The following CFAP61 variants were observed in gnomAD, a reference collection of about 807,000 sequenced individuals.
The protein encoded by CFAP61 is cilia- and flagella-associated protein 61.
Under a neutral mutation model 135.6 loss-of-function variants are expected in CFAP61, and 107 were observed. The observed-to-expected ratio is 0.79, with a 90% confidence interval of 0.67 to 0.93. The LOEUF is 0.93. Ranked by LOEUF, CFAP61 falls within the 40% of genes least tolerant of loss-of-function variation. The probability of loss-of-function intolerance (pLI) is 0.00; values close to 1 mark genes in which losing one functional copy is unlikely to be tolerated. For synonymous variants in CFAP61, 575 were observed against 578.5 expected (o/e 0.99, Z 0.09); for missense variants, 1,507 against 1,556.2 (o/e 0.97, Z 0.53).
chr20:20,163,948 G>A, intron 10 of CFAP61, 102 bp from the exon 11 acceptor site: 1 of 915,292 alleles, frequency 1.1e-6, no homozygotes, highest in Non-Finnish European at 1.6e-6. Flanking sequence ...AGTCACACCT[G>A]TCCTCAGAAC....
chr20:20,101,567 G>A (rs745582322), intron 8 of CFAP61, among the ~76,000 whole-genome samples: 3 of 151,590 alleles, frequency 2.0e-5, no homozygotes, highest in Non-Finnish European at 2.9e-5. Context: ...CTCCAATGAC[G>A]GGTCTGCTAC....
chr20:20,212,991 G>A (rs1302646431), intron 17 of CFAP61, among the ~76,000 whole-genome samples: 2 of 152,104 alleles, frequency 1.3e-5, no homozygotes, highest in Non-Finnish European at 2.9e-5. Context: ...CCATCAGGAG[G>A]AGAGCCCGGG....
At chr20:20,349,354 C>T (rs186007653) in intron 26 of CFAP61, among the ~76,000 whole-genome samples, 1 of 152,124 alleles carries the variant, frequency 6.6e-6, no homozygotes, top group African/African-American at 2.4e-5. Flanking sequence ...AAGGGGGAGA[C>T]AGTGTATCAC....
Position 20,288,813 on chromosome 20 carries a change from G to T in CFAP61, c.3001G>T (p.Glu1001Ter), listed in dbSNP as rs752168009. 8.1e-6 allele frequency: 13 copies of T among 1,614,148 alleles called. No individual in the cohort carries two copies. The highest frequency in any genetic ancestry group is 1.1e-5 in the Non-Finnish European group (13 of 1,180,026). ...EWTHSNFSSKEIGFQLAAAML... is the reference protein window; with the variant it reads ...EWTHSNFSSK Reference sequence around the variant, plus strand: ...GACTCACAGCAACTTCAGTTCCAAAGAAATTGGCTTTCAGCTGGCAGCAGC... The same window carrying T: ...GACTCACAGCAACTTCAGTTCCAAATAAATTGGCTTTCAGCTGGCAGCAGC... Residue 1001 changes from glutamate (E) to a stop codon, truncating the protein, a stop_gained, in exon 23 of 27, where the codon GAA (glutamate) becomes TAA (stop). Coordinates refer to ENST00000245957, the MANE Select transcript of CFAP61 (RefSeq NM_015585.4). LOFTEE classifies it high-confidence loss of function.
At chr20:20,273,041 ATTTTTTT>A (rs998055743) in intron 21 of CFAP61, among the ~76,000 whole-genome samples, 4 of 127,358 alleles carry the variant, frequency 3.1e-5, no homozygotes, top group African/African-American at 6.0e-5. Context: ...GCCATGCTTA[ATTTTTTT>A]TTTTTTTTTT....
intron 6 of CFAP61, among the ~76,000 whole-genome samples, chr20:20,084,543 C>G (rs2046660121): frequency 6.6e-6 from 1 of 152,172 alleles, no homozygotes; most frequent in South Asian, 2.1e-4. Flanking sequence ...GGAAGCAGGC[C>G]TGCAGGTTTT....
intron 6 of CFAP61, among the ~76,000 whole-genome samples, chr20:20,086,092 C>T (rs962303650): frequency 1.3e-5 from 2 of 151,652 alleles, no homozygotes; most frequent in Admixed American, 1.3e-4. Context: ...TTGTCCCTAC[C>T]TGTTTTTTGT....
At chr20:20,316,417 T>G (rs1012763223) in intron 25 of CFAP61, among the ~76,000 whole-genome samples, 2 of 151,918 alleles carry the variant, frequency 1.3e-5, no homozygotes, top group Non-Finnish European at 1.5e-5. Context: ...TGAAGTTGCT[T>G]ATCAGCTTAA....
At chr20:20,143,079 T>C in intron 9 of CFAP61, 131 bp downstream of exon 9, 1 of 609,872 alleles carries the variant, frequency 1.6e-6, no homozygotes, top group Non-Finnish European at 3.0e-6. Flanking sequence ...AAGGCCTCAC[T>C]AGCAGTAAGC....
intron 25 of CFAP61, among the ~76,000 whole-genome samples, chr20:20,305,655 C>T (rs140874470): frequency 6.6e-6 from 1 of 152,366 alleles, no homozygotes; most frequent in Non-Finnish European, 1.5e-5. Context: ...TCCTGCTCCT[C>T]TGTTTCACTT....
chr20:20,186,609 A>G (rs1199906884), intron 13 of CFAP61, among the ~76,000 whole-genome samples: 3 of 152,248 alleles, frequency 2.0e-5, no homozygotes, highest in Non-Finnish European at 4.4e-5. Flanking sequence ...TAAGGTGGTC[A>G]TATAACAACC....
intron 26 of CFAP61, among the ~76,000 whole-genome samples, chr20:20,342,452 G>A (rs2058480073): frequency 6.6e-6 from 1 of 152,196 alleles, no homozygotes; most frequent in Non-Finnish European, 1.5e-5. Flanking sequence ...TGACCCCAAG[G>A]TATAAATAGT....
At chr20:20,288,568 A>G in intron 22 of CFAP61, 41 bp from the exon 23 acceptor site, 1 of 1,494,432 alleles carries the variant, frequency 6.7e-7, no homozygotes, top group Non-Finnish European at 9.3e-7. Context: ...GGTAAAATGA[A>G]GAGTGATAAC....
chr20:20,349,282 A>G (rs1232075613), intron 26 of CFAP61, among the ~76,000 whole-genome samples: 2 of 152,252 alleles, frequency 1.3e-5, no homozygotes, highest in East Asian at 1.9e-4. Context: ...TACATGAAGT[A>G]CATGTACTGA....
intron 25 of CFAP61, among the ~76,000 whole-genome samples, chr20:20,304,101 A>G (rs1376893230): frequency 5.9e-5 from 9 of 152,144 alleles, no homozygotes. Context: ...CCGAGCTGTC[A>G]GCCGCCATGA....
intron 26 of CFAP61, among the ~76,000 whole-genome samples, chr20:20,355,235 A>G (rs2059045557): frequency 1.6e-5 from 2 of 124,220 alleles, no homozygotes; most frequent in African/African-American, 6.4e-5. Context: ...CACTAAGGGG[A>G]GGTGGTCACA....
chr20:20,246,150 T>A lies in CFAP61; in HGVS notation c.2094T>A (p.Ile698=), dbSNP rs182601231. 4.9e-5 allele frequency: 79 copies of A among 1,613,392 alleles called. No individual in the cohort carries two copies. In the East Asian group the frequency reaches 1.8e-3, roughly 36 times the overall value. The change falls in exon 19 of 27, where the codon ATT becomes ATA. Residue 698 remains isoleucine (I), a synonymous_variant. Transcript: ENST00000245957. ...TGAAGTTTAATAATCTTACCCTGAT[T>A]TCAACTCATGGACTCCCAGGAAAAA... ...SHMKFNNLTL[I]STHGLPGKKL...
At chr20:20,101,648 G>A (rs1020795991) in intron 8 of CFAP61, among the ~76,000 whole-genome samples, 2 of 54,466 alleles carry the variant, frequency 3.7e-5, no homozygotes, top group Non-Finnish European at 3.3e-5. Flanking sequence ...TTTTTGAGAT[G>A]AAGGCCCCCC....
At chr20:20,146,804 G>A (rs2051921989) in intron 9 of CFAP61, among the ~76,000 whole-genome samples, 1 of 152,004 alleles carries the variant, frequency 6.6e-6, no homozygotes, top group Non-Finnish European at 1.5e-5. Flanking sequence ...AGTGGTTTTT[G>A]GTTACCTGGA....
Sources: gnomAD v4.1 joint callset for allele counts (sites outside exome capture counted in the v4.1 genomes callset) on GRCh38, gnomAD v4.1.1 for gene constraint, MANE v1.5 for transcripts, NCBI Gene and HGNC (gene_info 2026-07-23, HGNC 2026-07-21) for gene names.